HR: variants seen among roughly 807,000 people sequenced by gnomAD.
HR encodes the protein HR lysine demethylase and nuclear receptor corepressor.
In HR, 83 loss-of-function variants were observed where a neutral mutation model predicts 128.6. The ratio of observed to expected loss-of-function variants is 0.65; its 90% CI spans 0.54 to 0.77. HR has a LOEUF of 0.77. HR is among the 30% of genes least tolerant of loss of function. The probability of loss-of-function intolerance (pLI) is 0.00; values close to 1 mark genes in which losing one functional copy is unlikely to be tolerated. For missense variants in HR, 1,490 were observed against 1,574.6 expected, an observed-to-expected ratio of 0.95 and a Z score of 0.91; for synonymous variants, 681 against 658.2, an observed-to-expected ratio of 1.03 and a Z score of -0.53.
chr8:22,127,326 G>C lies in HR; in HGVS notation c.1116C>G (p.Pro372=). 3 of 1,613,382 alleles carry C rather than the reference G, an allele frequency of 1.9e-6. No individual in the cohort carries two copies. The highest frequency in any genetic ancestry group is 2.2e-5 in the South Asian group (2 of 91,084). ...TCTTCAGCTTGGTGTGGTGGCTGGG[G>C]GGACAGGCCCTGGGGCCAGAGGCCT... ...VNKASGPRAC[P]PSHHTKLKKT... is the part of the protein sequence containing the mutation. The change falls in exon 3 of 19, where the codon CCC becomes CCG. Residue 372 remains proline (P), a synonymous_variant. Coordinates refer to ENST00000381418, the MANE Select transcript of HR (RefSeq NM_005144.5).
At chr8:22,121,259 G>A (rs775866528) in intron 9 of HR, 31 bp from the exon 10 acceptor site, 13 of 1,610,348 alleles carry the variant, frequency 8.1e-6, no homozygotes, top group African/African-American at 1.3e-5. Context: ...GGGGGGCTTC[G>A]CGTTTGGTCC....
At position 22,127,217 on chromosome 8, in the gene HR, G is replaced by A. The variant is rs758102202; in HGVS notation, c.1225C>T (p.Arg409Trp). 5.1e-5 allele frequency: 82 copies of A among 1,612,910 alleles called. No homozygotes were observed. Among genetic ancestry groups the A allele is most frequent in the Non-Finnish European group, 5.7e-5 (67 of 1,180,022 alleles). ...GGGCTGCCTGCCCTTTTGAGGGCCC[G>A]GAGCCGAGCAACCGGCCTCTCCTCG... ...EVEERPVARL[R>W]ALKRAGSPEV... Residue 409 changes from arginine (R) to tryptophan (W), a missense_variant, in exon 3 of 19, where the codon CGG (arginine) becomes TGG (tryptophan). Around this residue, in one of 3 missense-constraint regions of HR, gnomAD observed 1,060 missense variants for 1,060.9 expected, o/e 1.00. Coordinates refer to ENST00000381418, the MANE Select transcript of HR (RefSeq NM_005144.5).
In HR at chr8:22,130,789, C is replaced by T. The variant is rs1827032465; in HGVS notation, c.-402G>A. Reference sequence around the variant, plus strand: ...CGGGTGCCCCCGGAGGGAGAGAAGGCGCCGGGCCGGGGGGAACACGCGCCC... The same window carrying T: ...CGGGTGCCCCCGGAGGGAGAGAAGGTGCCGGGCCGGGGGGAACACGCGCCC... On this transcript the variant is annotated 5_prime_UTR_variant, in exon 1 of 19. Transcript: ENST00000381418. 1 of 151,908 alleles carries T rather than the reference C, an allele frequency of 6.6e-6. No homozygotes were observed. Among genetic ancestry groups the T allele is most frequent in the African/African-American group, 2.4e-5 (1 of 41,326 alleles). The allele number at this position is 151,908 out of a possible 1,614,324, so 9.4% of individuals were successfully genotyped here.
chr8:22,128,703 G>A lies in HR; in HGVS notation c.468C>T (p.Pro156=). 1 of 1,583,360 alleles carries A rather than the reference G, an allele frequency of 6.3e-7. No individual in the cohort carries two copies. Among genetic ancestry groups the A allele is most frequent in the Non-Finnish European group, 8.6e-7 (1 of 1,164,992 alleles). ...LLETKILERA[P]FWVPTCLPPY... is the part of the protein sequence containing the mutation. Reference sequence around the variant, plus strand: ...GTGGCAAGCAGGTGGGCACCCAGAAGGGAGCTCGCTCCAGGATCTTGGTCT... The same window carrying A: ...GTGGCAAGCAGGTGGGCACCCAGAAAGGAGCTCGCTCCAGGATCTTGGTCT... Residue 156 remains proline (P), a synonymous_variant, in exon 2 of 19, where the codon CCC becomes CCT. Coordinates refer to ENST00000381418, the MANE Select transcript of HR (RefSeq NM_005144.5).
rs544727447 is a variant in HR, at chr8:22,128,164, G to A, written c.613-335C>T. The A allele has an allele frequency of 3.3e-4, 169 of 514,476 alleles. 1 individual carries two copies. The highest frequency in any genetic ancestry group is 2.2e-3 in the South Asian group (107 of 48,096). The allele number at this position is 514,476 out of a possible 1,614,324, so 31.9% of individuals were successfully genotyped here. On this transcript the variant is annotated intron_variant, in intron 2 of 18. Transcript: ENST00000381418. Reference sequence around the variant, plus strand: ...GTGTTTTAACATCTCATCCCTGGGAGTGGGAGTCATCTATGGAGGAGGTAC... The same window carrying A: ...GTGTTTTAACATCTCATCCCTGGGAATGGGAGTCATCTATGGAGGAGGTAC...
chr8:22,120,095 C>T lies in HR; in HGVS notation c.2846+9G>A, dbSNP rs1460514055. On this transcript the variant is annotated intron_variant, in intron 13 of 18. Coordinates refer to ENST00000381418, the MANE Select transcript of HR (RefSeq NM_005144.5). ...GGGAGGTAGGGCTGGCCCTTGGTGA[C>T]ATACACACCTGCTGGTGTCCTCATC... 1 of 1,582,700 alleles carries T rather than the reference C, an allele frequency of 6.3e-7. No individual in the cohort carries two copies.
chr8:22,118,995 C>T lies in HR; in HGVS notation c.3168G>A (p.Val1056=), dbSNP rs769766296. The T allele has an allele frequency of 1.9e-5, 30 of 1,612,924 alleles. No homozygotes were observed. The highest frequency in any genetic ancestry group is 6.7e-5 in the East Asian group (3 of 44,890). The change falls in exon 16 of 19, where the codon GTG becomes GTA. Residue 1056 remains valine (V), a synonymous_variant. Coordinates refer to ENST00000381418, the MANE Select transcript of HR (RefSeq NM_005144.5). ...TGCGCTGGGCGTCCTGTGCCCGGAACACGTGCCACACAGTGCTGACCTGGC... is the reference window on the plus strand; with the variant it reads ...TGCGCTGGGCGTCCTGTGCCCGGAATACGTGCCACACAGTGCTGACCTGGC... ...PGSQVSTVWH[V]FRAQDAQRIR... is the part of the protein sequence containing the mutation.
chr8:22,117,637 G>C (rs1232766148), intron 16 of HR: 1 of 152,836 alleles, frequency 6.5e-6, no homozygotes, highest in Non-Finnish European at 1.5e-5. Context: ...AGCAGCCACA[G>C]CTACGGGGAC....
Position 22,115,702 on chromosome 8 carries a change from A to C in HR, c.3568T>G (p.Ter1190GluextTer151). The change falls in exon 19 of 19, where the codon TAG becomes GAG. Residue 1190 changes from the stop codon to glutamate, a stop_lost. Transcript: ENST00000381418. ...GATCCCAGACACCTAGCATCCCTCT[A>C]TTTGGCCTCCTGTAATGTCCCCACG... ...VAVGTLQEAK[*>E] The C allele has an allele frequency of 6.2e-7, 1 of 1,613,624 alleles. No homozygotes were observed. The highest frequency in any genetic ancestry group is 2.2e-5 in the East Asian group (1 of 44,854).
Position 22,115,210 on chromosome 8 carries a change from C to T in HR, c.*490G>A, listed in dbSNP as rs1826555925. ...CACCCTCTCCTCACACTCCCCAGAT[C>T]TTTTGGCAGGAGGGCAGAAGGTTGG... On this transcript the variant is annotated 3_prime_UTR_variant, in exon 19 of 19. Transcript: ENST00000381418. 9.5e-6 allele frequency: 2 copies of T among 209,596 alleles called. No individual in the cohort carries two copies. Among genetic ancestry groups the T allele is most frequent in the South Asian group, 1.8e-4 (2 of 11,176 alleles). The allele number at this position is 209,596 out of a possible 1,614,324, so 13.0% of individuals were successfully genotyped here.
At chr8:22,128,265 C>A in intron 2 of HR, 1 of 554,138 alleles carries the variant, frequency 1.8e-6, no homozygotes, top group South Asian at 2.0e-5. Flanking sequence ...CCCATCTCCT[C>A]CCAGGACAAG....
chr8:22,131,032 C>G (rs1827040541), upstream of HR: 1 of 152,262 alleles, frequency 6.6e-6, no homozygotes, highest in Admixed American at 6.5e-5. Flanking sequence ...AGCTGCTCCG[C>G]CGGTTTCCTC....
intron 14 of HR, 35 bp from the exon 15 acceptor site, chr8:22,119,318 G>C (rs775503048): frequency 6.2e-7 from 1 of 1,612,710 alleles, no homozygotes; most frequent in Admixed American, 1.7e-5. Flanking sequence ...GTTAGAAATG[G>C]AATCAGAGAG....
rs147885054 is a variant in HR at position 22,122,349 on chromosome 8, C to T, written c.2121+144G>A. The T allele has an allele frequency of 5.5e-4, 351 of 640,786 alleles. No homozygotes were observed. The African/African-American group carries it at 5.9e-3, about 11-fold the overall frequency. 39.7% of individuals were successfully genotyped at this position (640,786 alleles called of 1,614,324 possible). On this transcript the variant is annotated intron_variant, in intron 8 of 18. Transcript: ENST00000381418. Reference sequence around the variant, plus strand: ...GGCCAGCGCTGGAGATCATGCATGGCTCCTGATCCCCAAGGTGGGAATTAG... The same window carrying T: ...GGCCAGCGCTGGAGATCATGCATGGTTCCTGATCCCCAAGGTGGGAATTAG...
In HR at chr8:22,120,501, A is replaced by G. The variant is rs116376389; in HGVS notation, c.2617T>C (p.Leu873=). ...AATGTCCTTTGGATCCCTGACACCAACACAGGCTGTGGTGGGAAAGGAAGG... is the reference window on the plus strand; with the variant it reads ...AATGTCCTTTGGATCCCTGACACCAGCACAGGCTGTGGTGGGAAAGGAAGG... The part of the protein sequence containing the change: ...QEHWRQGQPV[L]VSGIQRTLQG... Residue 873 remains leucine (L), a synonymous_variant, in exon 12 of 19, where the codon TTG becomes CTG. Coordinates refer to ENST00000381418, the MANE Select transcript of HR (RefSeq NM_005144.5). 9.7e-4 allele frequency: 1,570 copies of G among 1,613,780 alleles called. 12 individuals are homozygous for G. The African/African-American group carries it at 0.018, about 19-fold the overall frequency.
At chr8:22,128,132 G>GT (rs1180098536) in intron 2 of HR, 2 of 536,566 alleles carry the variant, frequency 3.7e-6, no homozygotes, top group African/African-American at 3.8e-5. Flanking sequence ...GCCATACTGA[G>GT]TTTTAAGTGT....
rs753334836 is a variant in HR, at chr8:22,127,256, C to T, written c.1186G>A (p.Gly396Ser). Residue 396 changes from glycine (G) to serine (S), a missense_variant, in exon 3 of 19, where the codon GGC becomes AGC. Gly to Ser is a moderately conservative substitution (Grantham distance 56). This residue lies in a region of HR where 1,060 missense variants were observed against 1,060.9 expected (regional missense o/e 1.00). Transcript: ENST00000381418. ...RHSEQFECPR[G>S]CPEVEERPVA... ...GGCCTCTCCTCGACCTCAGGGCAGC[C>T]GCGTGGACATTCAAACTGCTCCGAG... 1.9e-5 allele frequency: 31 copies of T among 1,613,032 alleles called. No individual in the cohort carries two copies. In the East Asian group the frequency reaches 2.7e-4, roughly 14 times the overall value.
In HR at chr8:22,116,421, C is replaced by G; in HGVS notation, c.3386G>C (p.Gly1129Ala). The G allele has an allele frequency of 6.2e-7, 1 of 1,613,690 alleles. No individual in the cohort carries two copies. The highest frequency in any genetic ancestry group is 2.2e-5 in the East Asian group (1 of 44,862). The change falls in exon 18 of 19, where the codon GGC becomes GCC. Residue 1129 changes from glycine to alanine, a missense_variant. Gly to Ala is a moderately conservative substitution (Grantham distance 60). Around this residue, in one of 3 missense-constraint regions of HR, gnomAD observed 423 missense variants for 495.9 expected, o/e 0.85. Transcript: ENST00000381418. The surrounding 1 kb of genome is among the most constrained non-coding windows in gnomAD (Gnocchi z 4.2). ...AGTGACGCTGACTGTGCTCACCAGG[C>G]CCTGCACCTGTGTCGGGGGGACATG... is the stretch of plus-strand genomic sequence containing the variant. ...VPAGAPHQVQ[G>A]LVSTVSVTQH...
chr8:22,127,847 T>C lies in HR; in HGVS notation c.613-18A>G. ...TAAAAGCCCTAAAGAGGGGAGAAAG[T>C]GTTACGCTTCAGCTGACTTGGGCTC... On this transcript the variant is annotated intron_variant, in intron 2 of 18. Transcript: ENST00000381418. 6.3e-7 allele frequency: 1 copy of C among 1,598,126 alleles called. No individual in the cohort carries two copies. The highest frequency in any genetic ancestry group is 8.5e-7 in the Non-Finnish European group (1 of 1,179,662).
Sources: gnomAD v4.1 joint callset for allele counts on GRCh38, gnomAD v4.1.1 for gene constraint, gnomAD v4.1.1 regional missense constraint, Gnocchi (gnomAD v3.1) non-coding constraint, MANE v1.5 for transcripts, NCBI Gene and HGNC (gene_info 2026-07-23, HGNC 2026-07-21) for gene names.